The following NCKAP5 variants were observed in gnomAD, a reference collection of about 807,000 sequenced individuals.
NCKAP5 encodes nck-associated protein 5.
Under a neutral mutation model 167.0 loss-of-function variants are expected in NCKAP5, and 92 were observed. That is an observed-to-expected ratio of 0.55 (90% confidence interval 0.47 to 0.66). NCKAP5 has a LOEUF of 0.66. Ranked by LOEUF, NCKAP5 falls within the 30% of genes least tolerant of loss-of-function variation. The pLI is 0.00. For synonymous variants in NCKAP5, 891 were observed against 877.4 expected (o/e 1.02, Z -0.27); for missense variants, 2,378 against 2,315.0 (o/e 1.03, Z -0.56).
intron 11 of NCKAP5, among the ~76,000 whole-genome samples, chr2:132,804,607 G>A (rs566054527): frequency 6.6e-6 from 1 of 152,110 alleles, no homozygotes; most frequent in African/African-American, 2.4e-5. Context: ...AGACCTATTG[G>A]AAGCTCCATT....
intron 15 of NCKAP5, among the ~76,000 whole-genome samples, chr2:132,776,444 C>G (rs926662001): frequency 1.3e-5 from 2 of 152,120 alleles, no homozygotes; most frequent in South Asian, 2.1e-4. Context: ...TGTGCTTAAC[C>G]GCAAACACTA....
chr2:132,714,216 C>T (rs10166009), intron 19 of NCKAP5, among the ~76,000 whole-genome samples: 30,191 of 152,096 alleles, frequency 0.2, 3,652 homozygotes, highest in Non-Finnish European at 0.28. Flanking sequence ...ATTGTATATC[C>T]GTGGCTAATT....
rs1345644505 is a variant in NCKAP5 at position 132,941,694 on chromosome 2, A to T, written c.579+22026T>A. On this transcript the variant is annotated intron_variant, in intron 8 of 19. Coordinates refer to ENST00000409261, the MANE Select transcript of NCKAP5 (RefSeq NM_207363.3). ...TGATAACACTGGATGTTACATTTTC[A>T]TGAGTCGACAAATTCCGTTATCTCC... Among the ~76,000 whole-genome samples the T allele has an allele frequency of 2.0e-5, 3 of 152,168 alleles. No individual in the cohort carries two copies. In the East Asian group the frequency reaches 5.8e-4, roughly 29 times the overall value.
chr2:133,249,997 T>TA (rs1475495581), intron 4 of NCKAP5, among the ~76,000 whole-genome samples: 7 of 128,194 alleles, frequency 5.5e-5, no homozygotes, highest in East Asian at 2.2e-4. Flanking sequence ...CCACCAAGGG[T>TA]TTTATTATTA....
the NCKAP5 span, among the ~76,000 whole-genome samples, chr2:133,611,037 C>T: frequency 1.4e-3 from 217 of 152,054 alleles, no homozygotes; most frequent in Non-Finnish European, 2.3e-3. Context: ...TTTTTCTTTT[C>T]AGTTCTTAGA....
chr2:133,376,399 T>C (rs1450256015), intron 3 of NCKAP5, among the ~76,000 whole-genome samples: 1 of 152,134 alleles, frequency 6.6e-6, no homozygotes, highest in Non-Finnish European at 1.5e-5. Flanking sequence ...GACTCCTCCT[T>C]CTCCCCCGTT....
intron 7 of NCKAP5, among the ~76,000 whole-genome samples, chr2:132,971,913 C>T (rs980511906): frequency 1.2e-4 from 18 of 152,166 alleles, no homozygotes; most frequent in Admixed American, 7.2e-4. Flanking sequence ...TTAGAGAACA[C>T]TACAGGTAAT....
At chr2:133,601,306 C>A in the NCKAP5 span, among the ~76,000 whole-genome samples, 1 of 152,198 alleles carries the variant, frequency 6.6e-6, no homozygotes, top group Non-Finnish European at 1.5e-5. Context: ...TATTCAACTA[C>A]CATTACCCAA....
chr2:132,993,421 C>T (rs2077501610), intron 7 of NCKAP5, among the ~76,000 whole-genome samples: 1 of 152,172 alleles, frequency 6.6e-6, no homozygotes, highest in African/African-American at 2.4e-5. Context: ...GGCAGCTTTG[C>T]TGGTGTTAAA....
chr2:132,786,458 C>A (rs1317381960), intron 13 of NCKAP5, among the ~76,000 whole-genome samples: 9 of 152,168 alleles, frequency 5.9e-5, no homozygotes, highest in African/African-American at 2.2e-4. Context: ...TACACACATA[C>A]ACAGCAGCTG....
intron 3 of NCKAP5, among the ~76,000 whole-genome samples, chr2:133,466,684 C>A (rs1236379054): frequency 3.9e-5 from 6 of 152,122 alleles, no homozygotes; most frequent in Non-Finnish European, 8.8e-5. Context: ...CTTTTATTTC[C>A]TTGAGCAGTG....
intron 8 of NCKAP5, among the ~76,000 whole-genome samples, chr2:132,951,762 TA>T (rs1261192068): frequency 6.6e-6 from 1 of 152,236 alleles, no homozygotes; most frequent in Non-Finnish European, 1.5e-5. Context: ...CAAGGCTATG[TA>T]ACATTTTCTC....
chr2:133,560,221 G>A (rs1688061378), intron 1 of NCKAP5, among the ~76,000 whole-genome samples: 1 of 152,192 alleles, frequency 6.6e-6, no homozygotes, highest in Non-Finnish European at 1.5e-5. Context: ...AAATGGAGAA[G>A]AGAAAGTACT....
At chr2:133,334,067 G>T (rs944018762) in intron 3 of NCKAP5, 1 of 152,252 alleles carries the variant, frequency 6.6e-6, no homozygotes, top group African/African-American at 2.4e-5. Flanking sequence ...GAAGAAGGCC[G>T]TTAGTGATCC....
intron 7 of NCKAP5, among the ~76,000 whole-genome samples, chr2:132,968,987 T>G (rs1439021479): frequency 6.6e-6 from 1 of 152,152 alleles, no homozygotes. Context: ...AGGGCACTGA[T>G]AGAGGAGCCA....
chr2:132,759,487 T>A (rs1680822244), intron 16 of NCKAP5, among the ~76,000 whole-genome samples: 2 of 152,164 alleles, frequency 1.3e-5, no homozygotes, highest in African/African-American at 4.8e-5. Context: ...TCCTTAATAC[T>A]TGTATGACAC....
chr2:133,056,673 A>G (rs1049011034), intron 6 of NCKAP5, among the ~76,000 whole-genome samples: 4 of 152,198 alleles, frequency 2.6e-5, no homozygotes, highest in African/African-American at 7.2e-5. Flanking sequence ...TTAAACACAT[A>G]TTATCAATGA....
intron 6 of NCKAP5, among the ~76,000 whole-genome samples, chr2:133,078,951 A>G (rs564990018): frequency 6.6e-6 from 1 of 152,300 alleles, no homozygotes; most frequent in African/African-American, 2.4e-5. Flanking sequence ...GAGAAGGAAG[A>G]CATGGGATCA....
intron 3 of NCKAP5, among the ~76,000 whole-genome samples, chr2:133,423,148 G>A (rs1020782336): frequency 1.3e-5 from 2 of 152,154 alleles, no homozygotes; most frequent in African/African-American, 4.8e-5. Flanking sequence ...GTGTTTCCAA[G>A]ACGAACATTT....
Sources: allele counts gnomAD v4.1 joint callset (sites outside exome capture counted in the v4.1 genomes callset), GRCh38; gene constraint gnomAD v4.1.1; transcripts MANE v1.5; gene names NCBI Gene and HGNC (gene_info 2026-07-23, HGNC 2026-07-21).